POLD1: variants seen among roughly 807,000 people sequenced by gnomAD.
The protein encoded by POLD1 is DNA polymerase delta 1, catalytic subunit, also known as DNA polymerase delta catalytic subunit.
A neutral mutation model predicts 129.7 loss-of-function variants in POLD1; 79 were observed. That is an observed-to-expected ratio of 0.61 (90% CI 0.51 to 0.73). The LOEUF (loss-of-function observed/expected upper bound fraction) is 0.73, where lower values mean the gene tolerates loss of function less well. Ranked by LOEUF, POLD1 falls within the 30% of genes least tolerant of loss-of-function variation. POLD1 has a pLI of 0.00. For missense variants in POLD1, 1,338 were observed against 1,595.8 expected (o/e 0.84, Z 2.75); for synonymous variants, 714 against 683.3 (o/e 1.04, Z -0.70).
chr19:50,410,666 C>G (rs1395325191), intron 17 of POLD1, among the ~76,000 whole-genome samples: 1 of 152,168 alleles, frequency 6.6e-6, no homozygotes, highest in African/African-American at 2.4e-5. Context: ...TTGTGCTCTC[C>G]CAGTAGAGTT....
At position 50,394,426 on chromosome 19, in the gene POLD1, C is replaced by T. The variant is rs568525909; in HGVS notation, c.-1-4425C>T. Among the ~76,000 whole-genome samples, 8 of 152,072 alleles carry T rather than the reference C, an allele frequency of 5.3e-5. No individual in the cohort carries two copies. The South Asian group carries it at 6.2e-4, about 12-fold the overall frequency. On this transcript the variant is annotated intron_variant, in intron 1 of 26. Coordinates refer to ENST00000440232, the MANE Select transcript of POLD1 (RefSeq NM_002691.4). ...CAGCACTTTGGGAGGCCGAGGCGGG[C>T]GGATCATCTGAGGTCAGGAGTTCCA...
At chr19:50,414,437 G>T (rs1000425242) in intron 19 of POLD1, among the ~76,000 whole-genome samples, 2 of 152,258 alleles carry the variant, frequency 1.3e-5, no homozygotes, top group African/African-American at 4.8e-5. Flanking sequence ...GCTCTCTCGT[G>T]CCAGGCCTTG....
rs1326149354 is a variant in POLD1, at chr19:50,417,371, C to T, written c.3218+102C>T. ...TGACTCCAAGGCCTCTCCTGAGCATCCTCCCCGCCCATCCCCTTCCAGCTG... is the reference window on the plus strand; with the variant it reads ...TGACTCCAAGGCCTCTCCTGAGCATTCTCCCCGCCCATCCCCTTCCAGCTG... On this transcript the variant is annotated intron_variant, in intron 26 of 26. Coordinates refer to ENST00000440232, the MANE Select transcript of POLD1 (RefSeq NM_002691.4). The T allele has an allele frequency of 7.0e-6, 5 of 715,274 alleles. No homozygotes were observed. In the East Asian group the frequency reaches 1.1e-4, roughly 16 times the overall value. The allele number at this position is 715,274 out of a possible 1,614,324, so 44.3% of individuals were successfully genotyped here.
In POLD1 at chr19:50,400,211, A is replaced by ATTTTTTTTTTT; in HGVS notation, c.316+743_316+753dup. ...CAGGCTGGAGTGCACCTGGCCAATA[A>ATTTTTTTTTTT]TTTTTTTTTTTTTTTTTTTTTTTTT... On this transcript the variant is annotated intron_variant, in intron 3 of 26. Coordinates refer to ENST00000440232, the MANE Select transcript of POLD1 (RefSeq NM_002691.4). 6.8e-4 allele frequency among the ~76,000 whole-genome samples: 46 copies of ATTTTTTTTTTT among 67,806 alleles called. 2 individuals carry two copies. The highest frequency in any genetic ancestry group is 3.0e-3 in the African/African-American group (44 of 14,638). 44.5% of individuals were successfully genotyped at this position (67,806 alleles called of 152,430 possible). A position where few individuals can be genotyped will look rare whatever the true frequency, so the allele number is the denominator to read the frequency against.
Position 50,409,268 on chromosome 19 carries a change from G to T in POLD1, c.2006+33G>T. ...CTGGAGATCGCCTGCTTGGAGCTCA[G>T]ACCTGTTGGGGCCTCTGGGCAATCC... On this transcript the variant is annotated intron_variant, in intron 16 of 26. Coordinates refer to ENST00000440232, the MANE Select transcript of POLD1 (RefSeq NM_002691.4). The surrounding 1 kb of genome is among the most constrained non-coding windows in gnomAD (Gnocchi z 5.8). 6.8e-7 allele frequency: 1 copy of T among 1,464,806 alleles called. No homozygotes were observed. The highest frequency in any genetic ancestry group is 1.1e-5 in the South Asian group (1 of 87,640). The allele number at this position is 1,464,806 out of a possible 1,614,324, so 90.7% of individuals were successfully genotyped here.
At chr19:50,416,114 C>G (rs530546660) in intron 22 of POLD1, 1 of 581,868 alleles carries the variant, frequency 1.7e-6, no homozygotes, top group African/African-American at 1.9e-5. Flanking sequence ...TACCCCCACC[C>G]CCAGTGACCC....
rs549696195 is a variant in POLD1 at position 50,390,838 on chromosome 19, A to T, written c.-2+6448A>T. On this transcript the variant is annotated intron_variant, in intron 1 of 26. Transcript: ENST00000440232. ...CAAAGCACATCTTGCACCGCCCTTA[A>T]TCCATTTAACCCTGAGTGGACACAG... 1.3e-4 allele frequency among the ~76,000 whole-genome samples: 20 copies of T among 151,314 alleles called. No homozygotes were observed. In the East Asian group the frequency reaches 3.9e-3, roughly 29 times the overall value.
Position 50,409,466 on chromosome 19 carries a change from CT to C in POLD1, c.2007-52del, listed in dbSNP as rs1271566400. On this transcript the variant is annotated intron_variant, in intron 16 of 26. Transcript: ENST00000440232. This position sits in a 1 kb window ranked among gnomAD's most constrained non-coding sequence, Gnocchi z 5.8. The stretch of plus-strand genomic sequence containing the variant: ...TGGCACTCACTTCCAGAAAGGAGCC[CT>C]GACCAATGCCCAGGTGCCGCCTGAG... 52 of 1,611,740 alleles carry C rather than the reference CT, an allele frequency of 3.2e-5. No individual in the cohort carries two copies. In the African/African-American group the frequency reaches 6.8e-4, roughly 21 times the overall value.
In POLD1 at chr19:50,408,728, G is replaced by A. The variant is rs537175718; in HGVS notation, c.1776-57G>A. 370 of 1,598,302 alleles carry A rather than the reference G, an allele frequency of 2.3e-4. 1 individual carries two copies. In the African/African-American group the frequency reaches 2.3e-3, roughly 10 times the overall value. On this transcript the variant is annotated intron_variant, in intron 14 of 26. Coordinates refer to ENST00000440232, the MANE Select transcript of POLD1 (RefSeq NM_002691.4). ...AAAGGGTGAGGCCACAAGACAGGGCGGGGGCGGCATGGGAACTCCTAGCCC... is the reference window on the plus strand; with the variant it reads ...AAAGGGTGAGGCCACAAGACAGGGCAGGGGCGGCATGGGAACTCCTAGCCC...
At position 50,403,159 on chromosome 19, in the gene POLD1, C is replaced by T. The variant is rs747907179; in HGVS notation, c.1077C>T (p.Pro359=). 6.4e-7 allele frequency: 1 copy of T among 1,561,860 alleles called. No homozygotes were observed. The highest frequency in any genetic ancestry group is 1.2e-5 in the South Asian group (1 of 84,896). The change falls in exon 9 of 27, where the codon CCC becomes CCT. Residue 359 remains proline, a synonymous_variant. Transcript: ENST00000440232. ...TACGCCTGGCGCTCACCCTGCGGCC[C>T]TGTGCCCCCATCCTGGGTGCCAAGG... ...PFLRLALTLR[P]CAPILGAKVQ...
chr19:50,398,892 C>A lies in POLD1; in HGVS notation c.41C>A (p.Pro14His), dbSNP rs2122194403. The A allele has an allele frequency of 6.2e-7, 1 of 1,605,890 alleles. No individual in the cohort carries two copies. The highest frequency in any genetic ancestry group is 1.1e-5 in the South Asian group (1 of 89,734). Residue 14 changes from proline (P) to histidine (H), a missense_variant, in exon 2 of 27, where the codon CCC (proline) becomes CAC (histidine). Coordinates refer to ENST00000440232, the MANE Select transcript of POLD1 (RefSeq NM_002691.4). Reference protein sequence around the residue: ...KRRPGPGPGVPPKRARGGLWD... With the variant: ...KRRPGPGPGVHPKRARGGLWD... ...CGGCCAGGCCCAGGGCCCGGGGTGC[C>A]CCCAAAGCGGGCCCGTGGGGGCCTC... is the stretch of plus-strand genomic sequence containing the variant.
At chr19:50,405,997 A>G (rs1224712433) in intron 10 of POLD1, among the ~76,000 whole-genome samples, 185 bp from the exon 11 acceptor site, 2 of 151,474 alleles carry the variant, frequency 1.3e-5, no homozygotes, top group Admixed American at 1.3e-4. Context: ...CTTAGTCCTT[A>G]CTCCGGACTC....
At position 50,395,489 on chromosome 19, in the gene POLD1, C is replaced by T. The variant is rs187039595; in HGVS notation, c.-1-3362C>T. ...GTCCCAGCTACTCAGGAGGCTGAGG[C>T]GGGAGAATGGCGTGAACCCGGGAGG... On this transcript the variant is annotated intron_variant, in intron 1 of 26. Transcript: ENST00000440232. Among the ~76,000 whole-genome samples, 1,207 of 151,614 alleles carry T rather than the reference C, an allele frequency of 8.0e-3. 12 individuals carry two copies. Among genetic ancestry groups the T allele is most frequent in the African/African-American group, 0.028 (1,156 of 41,266 alleles).
chr19:50,403,106 C>T lies in POLD1; in HGVS notation c.1024C>T (p.Leu342=), dbSNP rs1244462297. ...TGTCATCCAGATCTGCTCGCTGGGCCTGCGCTGGGGGGAGCCGGAGCCCTT... is the reference window on the plus strand; with the variant it reads ...TGTCATCCAGATCTGCTCGCTGGGCTTGCGCTGGGGGGAGCCGGAGCCCTT... ...DPVIQICSLG[L]RWGEPEPFLR... The change falls in exon 9 of 27, where the codon CTG becomes TTG. Residue 342 remains leucine (L), a synonymous_variant. Coordinates refer to ENST00000440232, the MANE Select transcript of POLD1 (RefSeq NM_002691.4). 1.3e-6 allele frequency: 2 copies of T among 1,565,268 alleles called. No individual in the cohort carries two copies. The highest frequency in any genetic ancestry group is 3.8e-5 in the Admixed American group (2 of 53,088).
chr19:50,415,017 CAG>C (rs767716234), intron 20 of POLD1, 27 bp downstream of exon 20: 28 of 1,498,264 alleles, frequency 1.9e-5, no homozygotes, highest in Non-Finnish European at 2.2e-5. Context: ...CCCTCAGACT[CAG>C]GGGGCTGGGC....
intron 1 of POLD1, among the ~76,000 whole-genome samples, chr19:50,391,667 G>A (rs140353506): frequency 0.029 from 4,397 of 149,698 alleles, 131 homozygotes; most frequent in African/African-American, 0.073. Flanking sequence ...GCCTCAGCTC[G>A]GCATCAGAGG....
intron 1 of POLD1, 25 bp from the exon 2 acceptor site, chr19:50,398,826 C>T (rs2122193091): frequency 6.2e-7 from 1 of 1,604,032 alleles, no homozygotes; most frequent in East Asian, 2.2e-5. Flanking sequence ...TCAGAACCTC[C>T]ACCAAGCTCC....
rs777912012 is a variant in POLD1 at position 50,402,152 on chromosome 19, T to TG, written c.589+30dup. 4 of 1,599,200 alleles carry TG rather than the reference T, an allele frequency of 2.5e-6. No individual in the cohort carries two copies. In the South Asian group the frequency reaches 4.5e-5, roughly 18 times the overall value. On this transcript the variant is annotated intron_variant, in intron 5 of 26. Coordinates refer to ENST00000440232, the MANE Select transcript of POLD1 (RefSeq NM_002691.4). ...GAGTGCTCCCCCAGGATCAGCGGGT[T>TG]GGAGGGTCCCCTCGGGAGGCCATTG...
At chr19:50,384,781 CG>C (rs1221103187) in intron 1 of POLD1, among the ~76,000 whole-genome samples, 3 of 152,174 alleles carry the variant, frequency 2.0e-5, no homozygotes, top group African/African-American at 7.2e-5. Context: ...GGAAGACAGA[CG>C]GTAGACAAGT....
Sources: allele counts gnomAD v4.1 joint callset (sites outside exome capture counted in the v4.1 genomes callset), GRCh38; gene constraint gnomAD v4.1.1; non-coding constraint Gnocchi (gnomAD v3.1); transcripts MANE v1.5; gene names NCBI Gene and HGNC (gene_info 2026-07-23, HGNC 2026-07-21).